The following GRIN2B variants were observed in gnomAD, a reference collection of about 807,000 sequenced individuals.
GRIN2B encodes the protein glutamate receptor ionotropic, NMDA 2B.
Under a neutral mutation model 114.5 loss-of-function variants are expected in GRIN2B, and 5 were observed. The ratio of observed to expected loss-of-function variants is 0.04; its 90% CI spans 0.02 to 0.09. The LOEUF is 0.09. GRIN2B is among the 10% of genes least tolerant of loss of function. The probability of loss-of-function intolerance (pLI) is 1.00; values close to 1 mark genes in which losing one functional copy is unlikely to be tolerated. For missense variants in GRIN2B, 1,108 were observed against 1,943.5 expected (o/e 0.57, Z 8.08); for synonymous variants, 787 against 745.1 (o/e 1.06, Z -0.92).
At chr12:13,901,722 G>C (rs1866456439) in intron 2 of GRIN2B, among the ~76,000 whole-genome samples, 1 of 151,898 alleles carries the variant, frequency 6.6e-6, no homozygotes, top group African/African-American at 2.4e-5. Flanking sequence ...ACAAATAAAA[G>C]ACTTTAAGTT....
intron 5 of GRIN2B, among the ~76,000 whole-genome samples, chr12:13,671,849 C>G (rs544879177): frequency 7.4e-4 from 112 of 152,246 alleles, no homozygotes; most frequent in African/African-American, 2.6e-3. Flanking sequence ...GAGCAAGGTC[C>G]TTGCCCCCAG....
intron 4 of GRIN2B, among the ~76,000 whole-genome samples, chr12:13,723,516 T>C (rs1373399150): frequency 6.7e-6 from 1 of 150,302 alleles, no homozygotes; most frequent in African/African-American, 2.4e-5. Flanking sequence ...AGCTAGTGCC[T>C]CATTCTCTGC....
chr12:13,855,022 C>T (rs113248939), intron 3 of GRIN2B, among the ~76,000 whole-genome samples: 1 of 136,920 alleles, frequency 7.3e-6, no homozygotes, highest in East Asian at 2.1e-4. Context: ...ACCTGCCTGG[C>T]CAACATGGTG....
At chr12:13,927,982 A>AAAAAAAAAAAAAAAAAG (rs71067738) in intron 2 of GRIN2B, among the ~76,000 whole-genome samples, 8 of 129,798 alleles carry the variant, frequency 6.2e-5, no homozygotes, top group Admixed American at 2.4e-4. Context: ...AAAAAAAAAA[A>AAAAAAAAAAAAAAAAAG]GGGGGGGTAT....
intron 10 of GRIN2B, among the ~76,000 whole-genome samples, chr12:13,572,548 C>A (rs1309538519): frequency 6.6e-6 from 1 of 152,152 alleles, no homozygotes. Context: ...ATAAACTGTA[C>A]AATCAAAGAC....
intron 2 of GRIN2B, among the ~76,000 whole-genome samples, chr12:13,954,082 G>A (rs184945659): frequency 1.6e-4 from 24 of 152,282 alleles, no homozygotes; most frequent in African/African-American, 5.8e-4. Flanking sequence ...ACGTACTTTG[G>A]TATTTGCTTA....
At chr12:13,872,635 A>C (rs1474888007) in intron 2 of GRIN2B, among the ~76,000 whole-genome samples, 1 of 152,242 alleles carries the variant, frequency 6.6e-6, no homozygotes, top group Non-Finnish European at 1.5e-5. Context: ...ATATCTCAGA[A>C]AAATGCAGAT....
intron 3 of GRIN2B, among the ~76,000 whole-genome samples, chr12:13,863,687 A>G (rs1316876289): frequency 6.6e-6 from 1 of 152,248 alleles, no homozygotes; most frequent in Non-Finnish European, 1.5e-5. Context: ...AAAAGAGTTC[A>G]GTCTCTCTGC....
At chr12:13,811,718 G>A (rs1026573399) in intron 3 of GRIN2B, among the ~76,000 whole-genome samples, 7 of 152,242 alleles carry the variant, frequency 4.6e-5, no homozygotes, top group African/African-American at 1.7e-4. Context: ...TCATAAAGTA[G>A]AACATTCCAG....
intron 2 of GRIN2B, among the ~76,000 whole-genome samples, chr12:13,871,756 G>A (rs1440798234): frequency 6.6e-6 from 1 of 150,438 alleles, no homozygotes; most frequent in African/African-American, 2.4e-5. Context: ...GAATGAAAGA[G>A]AAAATAACAT....
intron 10 of GRIN2B, among the ~76,000 whole-genome samples, chr12:13,583,090 T>G (rs1185119977): frequency 6.6e-6 from 1 of 152,200 alleles, no homozygotes; most frequent in Admixed American, 6.5e-5. Context: ...CCTTGAGGTT[T>G]TAAGTGTTTG....
At chr12:13,813,688 C>G (rs1451105541) in intron 3 of GRIN2B, among the ~76,000 whole-genome samples, 2 of 152,172 alleles carry the variant, frequency 1.3e-5, no homozygotes, top group African/African-American at 2.4e-5. Flanking sequence ...GGACTTAGAC[C>G]TAAGCCTGCC....
chr12:13,959,204 C>T (rs910099644), intron 2 of GRIN2B, among the ~76,000 whole-genome samples: 4 of 152,038 alleles, frequency 2.6e-5, no homozygotes, highest in African/African-American at 9.7e-5. Flanking sequence ...CAGAGTTTGG[C>T]AAAAGGAGAG....
chr12:13,585,595 C>A (rs1948911452), intron 10 of GRIN2B, among the ~76,000 whole-genome samples: 1 of 152,178 alleles, frequency 6.6e-6, no homozygotes, highest in African/African-American at 2.4e-5. Context: ...CTCGAACAAT[C>A]CTTTGGTAAA....
chr12:13,770,240 T>C (rs1462526677), intron 3 of GRIN2B, among the ~76,000 whole-genome samples: 1 of 152,244 alleles, frequency 6.6e-6, no homozygotes, highest in African/African-American at 2.4e-5. Context: ...GAACTGGCTC[T>C]GACCATCAAG....
intron 3 of GRIN2B, among the ~76,000 whole-genome samples, chr12:13,788,699 G>A (rs1316601868): frequency 4.1e-5 from 2 of 48,920 alleles, no homozygotes; most frequent in Non-Finnish European, 8.4e-5. Flanking sequence ...GTGTATTGAT[G>A]TTTCATGTGA....
At chr12:13,864,707 A>G (rs1263854284) in intron 3 of GRIN2B, among the ~76,000 whole-genome samples, 1 of 152,242 alleles carries the variant, frequency 6.6e-6, no homozygotes, top group East Asian at 1.9e-4. Context: ...GTTAGGGAAT[A>G]AGCCCCAGTG....
chr12:13,970,068 G>A (rs536282239), intron 2 of GRIN2B, among the ~76,000 whole-genome samples: 3 of 152,172 alleles, frequency 2.0e-5, no homozygotes, highest in African/African-American at 7.2e-5. Flanking sequence ...GGCCAGGCTG[G>A]TCTCGAACTC....
In GRIN2B at chr12:13,765,481, A is replaced by G. The variant is rs566134835; in HGVS notation, c.412-11566T>C. On this transcript the variant is annotated intron_variant, in intron 3 of 13. Transcript: ENST00000609686. ...TCATGCTCTCCTTGGTGGAAGGCACATGATAAGCCCTCAAGAATATTGTCA... is the reference window on the plus strand; with the variant it reads ...TCATGCTCTCCTTGGTGGAAGGCACGTGATAAGCCCTCAAGAATATTGTCA... Among the ~76,000 whole-genome samples the G allele has an allele frequency of 1.2e-4, 19 of 152,360 alleles. No homozygotes were observed. The South Asian group carries it at 3.3e-3, about 27-fold the overall frequency.
Sources: gnomAD v4.1 joint callset for allele counts (sites outside exome capture counted in the v4.1 genomes callset) on GRCh38, gnomAD v4.1.1 for gene constraint, MANE v1.5 for transcripts, NCBI Gene and HGNC (gene_info 2026-07-23, HGNC 2026-07-21) for gene names.